Variants in ZNF407 observed in about 807,000 individuals in gnomAD.
ZNF407 encodes the protein zinc finger protein 407.
In ZNF407, 17 loss-of-function variants were observed where a neutral mutation model predicts 131.2. The observed-to-expected ratio is 0.13, with a 90% confidence interval of 0.09 to 0.19. The LOEUF (loss-of-function observed/expected upper bound fraction) is 0.19. Ranked by LOEUF, ZNF407 falls within the 10% of genes least tolerant of loss-of-function variation. ZNF407 has a pLI of 1.00. For synonymous variants in ZNF407, 1,156 were observed against 1,062.0 expected, an observed-to-expected ratio of 1.09 and a Z score of -1.72; for missense variants, 2,681 against 2,830.6, an observed-to-expected ratio of 0.95 and a Z score of 1.20.
At chr18:74,857,708 A>G (rs187179865) in intron 4 of ZNF407, among the ~76,000 whole-genome samples, 5 of 152,218 alleles carry the variant, frequency 3.3e-5, no homozygotes, top group African/African-American at 1.2e-4. Context: ...TTATGAGTTC[A>G]TAAAGTAGCT....
Position 74,633,342 on chromosome 18 carries a change from A to G in ZNF407, c.2323A>G (p.Ile775Val), listed in dbSNP as rs553746871. The part of the protein sequence containing the change: ...NNIGLSFEEC[I>V]ERVCIGANDK... The stretch of plus-strand genomic sequence containing the variant: ...TATTGGCTTAAGCTTTGAAGAATGT[A>G]TTGAAAGGGTATGTATAGGTGCAAA... Residue 775 changes from isoleucine (I) to valine (V), a missense_variant, in exon 2 of 9, where the codon ATT (isoleucine) becomes GTT (valine). Transcript: ENST00000299687. 1.2e-4 allele frequency: 198 copies of G among 1,613,730 alleles called. No individual in the cohort carries two copies. The highest frequency in any genetic ancestry group is 5.3e-4 in the Admixed American group (32 of 59,988).
At chr18:74,961,031 T>C (rs1335737178) in intron 8 of ZNF407, among the ~76,000 whole-genome samples, 1 of 150,450 alleles carries the variant, frequency 6.6e-6, no homozygotes, top group African/African-American at 2.5e-5. Context: ...GGTGGAGGGA[T>C]AGGAGAAGGT....
intron 7 of ZNF407, chr18:74,898,303 T>C (rs1971479511): frequency 6.6e-6 from 1 of 152,238 alleles, no homozygotes; most frequent in African/African-American, 2.4e-5. Context: ...ATCTTTGTCT[T>C]CTTAATTAGG....
At chr18:74,701,805 C>T (rs1003698509) in intron 3 of ZNF407, among the ~76,000 whole-genome samples, 1 of 152,124 alleles carries the variant, frequency 6.6e-6, no homozygotes, top group Non-Finnish European at 1.5e-5. Context: ...CACCCCTTCC[C>T]CCAACATGCA....
In ZNF407 at chr18:75,064,028, A is replaced by G; in HGVS notation, c.6307A>G (p.Thr2103Ala). 6.2e-7 allele frequency: 1 copy of G among 1,604,422 alleles called. No homozygotes were observed. Among genetic ancestry groups the G allele is most frequent in the Non-Finnish European group, 8.5e-7 (1 of 1,175,924 alleles). The change falls in exon 9 of 9, where the codon ACC becomes GCC. Residue 2103 changes from threonine (T) to alanine (A), a missense_variant. Coordinates refer to ENST00000299687, the MANE Select transcript of ZNF407 (RefSeq NM_017757.3). ...CGGCCAGTTGGTCAAGGACGGTGTCACCCAGGTGGTGGTGAGCGAAGAGGG... is the reference window on the plus strand; with the variant it reads ...CGGCCAGTTGGTCAAGGACGGTGTCGCCCAGGTGGTGGTGAGCGAAGAGGG... ...AAGQLVKDGV[T>A]QVVVSEEGAV...
chr18:75,041,997 A>G (rs1215356999), intron 8 of ZNF407, among the ~76,000 whole-genome samples: 1 of 151,556 alleles, frequency 6.6e-6, no homozygotes, highest in Non-Finnish European at 1.5e-5. Flanking sequence ...TATCTGATTG[A>G]TACATATTTG....
intron 3 of ZNF407, among the ~76,000 whole-genome samples, chr18:74,710,196 GTTATA>G (rs1967724906): frequency 6.6e-6 from 1 of 152,086 alleles, no homozygotes; most frequent in Non-Finnish European, 1.5e-5. Flanking sequence ...CATTACCTCT[GTTATA>G]TTTAATTGAT....
rs143298334 is a variant in ZNF407, at chr18:74,663,984, A to G, written c.4802+22862A>G. ...ACCATAAGATGCTGTGCCACAAACTATAACTGGAAATGTTTGTGCAGAGGC... is the reference window on the plus strand; with the variant it reads ...ACCATAAGATGCTGTGCCACAAACTGTAACTGGAAATGTTTGTGCAGAGGC... On this transcript the variant is annotated intron_variant, in intron 3 of 8. Transcript: ENST00000299687. 2.6e-4 allele frequency among the ~76,000 whole-genome samples: 40 copies of G among 152,314 alleles called. 1 individual carries two copies. Among genetic ancestry groups the G allele is most frequent in the Middle Eastern group, 6.8e-3 (2 of 294 alleles).
In ZNF407 at chr18:74,635,999, G is replaced by A. The variant is rs907903515; in HGVS notation, c.4687+293G>A. 6.6e-6 allele frequency among the ~76,000 whole-genome samples: 1 copy of A among 152,136 alleles called. No homozygotes were observed. The highest frequency in any genetic ancestry group is 1.5e-5 in the Non-Finnish European group (1 of 68,016). Reference sequence around the variant, plus strand: ...ACTGCTGTCTGTTGGCGGCTTTTCAGTTGTTTCTGAGTCCTAATTATTTGA... The same window carrying A: ...ACTGCTGTCTGTTGGCGGCTTTTCAATTGTTTCTGAGTCCTAATTATTTGA... On this transcript the variant is annotated intron_variant, in intron 2 of 8. Transcript: ENST00000299687. This position sits in a 1 kb window ranked among gnomAD's most constrained non-coding sequence, Gnocchi z 4.7.
chr18:74,663,228 T>A (rs1299362781), intron 3 of ZNF407, among the ~76,000 whole-genome samples: 1 of 152,202 alleles, frequency 6.6e-6, no homozygotes, highest in Non-Finnish European at 1.5e-5. Flanking sequence ...CCATTTTAGA[T>A]GCTTGTCCCC....
chr18:74,634,993 C>G lies in ZNF407; in HGVS notation c.3974C>G (p.Pro1325Arg), dbSNP rs368198591. The G allele has an allele frequency of 1.6e-5, 26 of 1,613,848 alleles. No individual in the cohort carries two copies. The African/African-American group carries it at 3.3e-4, about 21-fold the overall frequency. Residue 1325 changes from proline (P) to arginine (R), a missense_variant, in exon 2 of 9, where the codon CCA (proline) becomes CGA (arginine). This residue lies in a region of ZNF407 where 1,789 missense variants were observed against 1,748.7 expected (regional missense o/e 1.02). Coordinates refer to ENST00000299687, the MANE Select transcript of ZNF407 (RefSeq NM_017757.3). ...GAATTTATTTTGGAGGAGGATGGCC[C>G]AGCTTCTGATAGCACAGTTGAAAGT... is the stretch of plus-strand genomic sequence containing the variant. ...ETEFILEEDG[P>R]ASDSTVESSD...
intron 8 of ZNF407, among the ~76,000 whole-genome samples, chr18:75,045,622 G>A (rs769215722): frequency 5.3e-5 from 8 of 152,168 alleles, no homozygotes; most frequent in Non-Finnish European, 1.0e-4. Context: ...TTTTATGAAT[G>A]CCAGAGTCTG....
At chr18:74,850,910 C>T (rs754153493) in intron 4 of ZNF407, among the ~76,000 whole-genome samples, 1 of 152,142 alleles carries the variant, frequency 6.6e-6, no homozygotes, top group Non-Finnish European at 1.5e-5. Context: ...GTGTCTGAAA[C>T]TGCATTAGGC....
At chr18:74,916,515 T>C (rs1971767187) in intron 7 of ZNF407, among the ~76,000 whole-genome samples, 1 of 124,640 alleles carries the variant, frequency 8.0e-6, no homozygotes, top group Admixed American at 7.8e-5. Context: ...TGTGTGCTGG[T>C]ATGGTGAGGT....
At chr18:74,827,529 G>T (rs1970425482) in intron 4 of ZNF407, among the ~76,000 whole-genome samples, 1 of 151,714 alleles carries the variant, frequency 6.6e-6, no homozygotes, top group Non-Finnish European at 1.5e-5. Flanking sequence ...GCCTCATCAA[G>T]CCACCTCATG....
At chr18:74,787,681 C>G (rs574498663) in intron 4 of ZNF407, among the ~76,000 whole-genome samples, 1 of 152,288 alleles carries the variant, frequency 6.6e-6, no homozygotes, top group East Asian at 1.9e-4. Flanking sequence ...TGTCACGATT[C>G]CTTCTTTCTT....
chr18:74,726,868 C>T (rs748158387), intron 3 of ZNF407, among the ~76,000 whole-genome samples: 1 of 152,080 alleles, frequency 6.6e-6, no homozygotes, highest in Non-Finnish European at 1.5e-5. Context: ...GTGGGGGTGT[C>T]ACAGAGTCTT....
At chr18:75,047,472 A>G (rs745749688) in intron 8 of ZNF407, among the ~76,000 whole-genome samples, 1 of 152,216 alleles carries the variant, frequency 6.6e-6, no homozygotes, top group African/African-American at 2.4e-5. Context: ...ACCCTGGCCC[A>G]GCATACTGCA....
At chr18:74,940,174 A>T (rs1302173731) in intron 8 of ZNF407, among the ~76,000 whole-genome samples, 1 of 152,156 alleles carries the variant, frequency 6.6e-6, no homozygotes, top group East Asian at 1.9e-4. Context: ...AACATATGTG[A>T]TTGCAGTCAT....
Sources: allele counts gnomAD v4.1 joint callset (sites outside exome capture counted in the v4.1 genomes callset), GRCh38; gene constraint gnomAD v4.1.1; regional missense constraint gnomAD v4.1.1; non-coding constraint Gnocchi (gnomAD v3.1); transcripts MANE v1.5; gene names NCBI Gene and HGNC (gene_info 2026-07-23, HGNC 2026-07-21).